TOGARAM1: variants seen among roughly 807,000 people sequenced by gnomAD.
The protein encoded by TOGARAM1 is TOG array regulator of axonemal microtubules protein 1.
In TOGARAM1, 100 loss-of-function variants were observed where a neutral mutation model predicts 166.6. That is an observed-to-expected ratio of 0.60 (90% confidence interval 0.51 to 0.71). The LOEUF is 0.71. Among genes scored for constraint, TOGARAM1 ranks in the 30% least tolerant of loss-of-function variants. TOGARAM1 has a pLI of 0.00. For missense variants in TOGARAM1, 2,029 were observed against 2,102.7 expected (o/e 0.96, Z 0.69); for synonymous variants, 758 against 763.8 (o/e 0.99, Z 0.13).
At position 45,004,099 on chromosome 14, in the gene TOGARAM1, A is replaced by G. The variant is rs1486887437; in HGVS notation, c.2377A>G (p.Thr793Ala). 6 of 1,614,078 alleles carry G rather than the reference A, an allele frequency of 3.7e-6. No individual in the cohort carries two copies. In the East Asian group the frequency reaches 1.3e-4, roughly 36 times the overall value. ...SLNFGSKTQQ[T>A]FGSQTECTSS... Reference sequence around the variant, plus strand: ...CAATTTTGGCAGTAAGACACAGCAAACATTTGGTAGTCAAACAGAGTGTAC... The same window carrying G: ...CAATTTTGGCAGTAAGACACAGCAAGCATTTGGTAGTCAAACAGAGTGTAC... The change falls in exon 4 of 20, where the codon ACA becomes GCA. Residue 793 changes from threonine (T) to alanine (A), a missense_variant. Physicochemically the swap from Thr to Ala is moderately conservative, Grantham distance 58. Coordinates refer to ENST00000361462, the MANE Select transcript of TOGARAM1 (RefSeq NM_001308120.2).
intron 11 of TOGARAM1, among the ~76,000 whole-genome samples, chr14:45,034,024 G>A (rs1594676169): frequency 6.6e-6 from 1 of 152,062 alleles, no homozygotes; most frequent in East Asian, 1.9e-4. Context: ...GTGCATGGTG[G>A]CACACGTCTG....
At chr14:45,056,745 C>G (rs1030393146) in intron 16 of TOGARAM1, among the ~76,000 whole-genome samples, 1 of 151,844 alleles carries the variant, frequency 6.6e-6, no homozygotes, top group Non-Finnish European at 1.5e-5. Context: ...ATCTTTTTGA[C>G]GTGCTGTTGT....
At chr14:45,021,204 C>T (rs1880479893) in intron 7 of TOGARAM1, among the ~76,000 whole-genome samples, 1 of 152,138 alleles carries the variant, frequency 6.6e-6, no homozygotes, top group African/African-American at 2.4e-5. Context: ...GCTCCAAGTC[C>T]TCCCGGACAA....
At chr14:45,016,849 T>C (rs1459455352) in intron 7 of TOGARAM1, among the ~76,000 whole-genome samples, 1 of 152,208 alleles carries the variant, frequency 6.6e-6, no homozygotes. Context: ...GTTCCTAATA[T>C]TATGTTACTT....
intron 2 of TOGARAM1, 104 bp from the exon 3 acceptor site, chr14:44,999,259 T>C (rs560805022): frequency 7.4e-6 from 9 of 1,222,288 alleles, no homozygotes; most frequent in South Asian, 5.8e-5. Flanking sequence ...TAAACACTTA[T>C]ATTTATTTCC....
rs536261725 is a variant in TOGARAM1, at chr14:45,069,979, G to C, written c.4969+1336G>C. ...AGGCAGATCACGAGGTCAGGAGATCGAGACCATCCTGGCTAACATGGTGAA... is the reference window on the plus strand; with the variant it reads ...AGGCAGATCACGAGGTCAGGAGATCCAGACCATCCTGGCTAACATGGTGAA... On this transcript the variant is annotated intron_variant, in intron 18 of 19. Transcript: ENST00000361462. Among the ~76,000 whole-genome samples, 5 of 152,152 alleles carry C rather than the reference G, an allele frequency of 3.3e-5. No individual in the cohort carries two copies. In the South Asian group the frequency reaches 1.0e-3, roughly 32 times the overall value.
intron 9 of TOGARAM1, 117 bp downstream of exon 9, chr14:45,027,591 C>T (rs1594670621): frequency 1.2e-6 from 1 of 830,046 alleles, no homozygotes; most frequent in East Asian, 3.3e-5. Context: ...AATCTTAGTA[C>T]AGTTGAAATT....
At chr14:45,069,499 A>T (rs1883284865) in intron 18 of TOGARAM1, among the ~76,000 whole-genome samples, 1 of 151,680 alleles carries the variant, frequency 6.6e-6, no homozygotes, top group African/African-American at 2.4e-5. Flanking sequence ...AGCTCAACAT[A>T]AAAAAAAACT....
intron 11 of TOGARAM1, among the ~76,000 whole-genome samples, chr14:45,039,575 G>A (rs1428769258): frequency 6.6e-6 from 1 of 152,170 alleles, no homozygotes; most frequent in Non-Finnish European, 1.5e-5. Flanking sequence ...AAAGTCCAGA[G>A]GGGACCATGT....
chr14:45,064,715 A>G (rs927928307), intron 16 of TOGARAM1, among the ~76,000 whole-genome samples: 3 of 152,182 alleles, frequency 2.0e-5, no homozygotes, highest in Non-Finnish European at 2.9e-5. Flanking sequence ...CTTATTACCA[A>G]TGTAACAGTC....
intron 7 of TOGARAM1, among the ~76,000 whole-genome samples, chr14:45,020,219 C>T (rs529350596): frequency 1.8e-4 from 27 of 152,300 alleles, no homozygotes; most frequent in African/African-American, 6.5e-4. Context: ...CTATGCTCTG[C>T]GTTGTATTCC....
At position 45,058,142 on chromosome 14, in the gene TOGARAM1, T is replaced by C. The variant is rs142471307; in HGVS notation, c.4559+3593T>C. Among the ~76,000 whole-genome samples the C allele has an allele frequency of 3.1e-3, 470 of 152,344 alleles. 2 individuals are homozygous for C. The highest frequency in any genetic ancestry group is 0.017 in the South Asian group (83 of 4,826). On this transcript the variant is annotated intron_variant, in intron 16 of 19. Transcript: ENST00000361462. ...GGTGATCCAGTGTTGGGTGCATATA[T>C]ATTTGGGATTGTTATAGCTTCTTGC...
chr14:45,026,016 A>G (rs61416111), intron 8 of TOGARAM1, 144 bp downstream of exon 8: 4 of 512,348 alleles, frequency 7.8e-6, no homozygotes, highest in Non-Finnish European at 1.4e-5. Flanking sequence ...TCATTAAAAT[A>G]ATTAGAAGTG....
At chr14:44,978,054 A>C (rs1025220033) in intron 1 of TOGARAM1, 1 of 152,224 alleles carries the variant, frequency 6.6e-6, no homozygotes, top group Non-Finnish European at 1.5e-5. Context: ...TTTGAGGATA[A>C]TTGGTGATTT....
At chr14:44,971,101 T>C (rs1885862643) in intron 1 of TOGARAM1, among the ~76,000 whole-genome samples, 2 of 152,292 alleles carry the variant, frequency 1.3e-5, no homozygotes, top group African/African-American at 4.8e-5. Flanking sequence ...TTCTCCCTGC[T>C]TCTATATTCT....
At chr14:45,012,894 T>C (rs1037779017) in intron 7 of TOGARAM1, among the ~76,000 whole-genome samples, 2 of 152,204 alleles carry the variant, frequency 1.3e-5, no homozygotes, top group Non-Finnish European at 2.9e-5. Flanking sequence ...TTCACACTTT[T>C]CCTCATTTAT....
At chr14:45,013,425 G>A (rs1594654203) in intron 7 of TOGARAM1, among the ~76,000 whole-genome samples, 1 of 152,230 alleles carries the variant, frequency 6.6e-6, no homozygotes, top group East Asian at 1.9e-4. Context: ...ACTTAACCAG[G>A]TGTGTTTAGT....
chr14:44,972,124 C>G (rs1190207950), intron 1 of TOGARAM1, among the ~76,000 whole-genome samples: 1 of 152,064 alleles, frequency 6.6e-6, no homozygotes, highest in Non-Finnish European at 1.5e-5. Flanking sequence ...CCAGTCATCC[C>G]CCAGCAACCC....
At chr14:45,011,708 T>C (rs927084143) in intron 6 of TOGARAM1, among the ~76,000 whole-genome samples, 1 of 152,046 alleles carries the variant, frequency 6.6e-6, no homozygotes, top group Non-Finnish European at 1.5e-5. Flanking sequence ...GGCAATCCTG[T>C]CTTGAGTAAT....
Sources: gnomAD v4.1 joint callset for allele counts (sites outside exome capture counted in the v4.1 genomes callset) on GRCh38, gnomAD v4.1.1 for gene constraint, MANE v1.5 for transcripts, NCBI Gene and HGNC (gene_info 2026-07-23, HGNC 2026-07-21) for gene names.